Variants in MED12L observed in about 807,000 individuals in gnomAD.
MED12L encodes mediator of RNA polymerase II transcription subunit 12-like protein.
In MED12L, 60 loss-of-function variants were observed where a neutral mutation model predicts 281.3. The ratio of observed to expected loss-of-function variants is 0.21; its 90% confidence interval spans 0.17 to 0.26. The LOEUF is 0.26. MED12L is among the 10% of genes least tolerant of loss of function. The pLI, the probability that MED12L is intolerant of heterozygous loss-of-function variation, is 1.00. For synonymous variants in MED12L, 974 were observed against 987.2 expected, an observed-to-expected ratio of 0.99 and a Z score of 0.25; for missense variants, 2,146 against 2,680.9, an observed-to-expected ratio of 0.80 and a Z score of 4.41.
At chr3:151,401,836 A>G (rs1307499983) in intron 39 of MED12L, among the ~76,000 whole-genome samples, 6 of 152,196 alleles carry the variant, frequency 3.9e-5, no homozygotes, top group Admixed American at 3.9e-4. Flanking sequence ...AAGCATGTTC[A>G]GGGAGGTGGG....
At position 151,159,974 on chromosome 3, in the gene MED12L, C is replaced by T. The variant is rs1719769600; in HGVS notation, c.980C>T (p.Ser327Leu). ...SPHMMIGPNN[S>L]SIGAPSPGPP... is the part of the protein sequence containing the mutation. ...CACATGATGATAGGACCAAACAACT[C>T]GAGTATCGGGGCCCCCAGCCCTGGC... Residue 327 changes from serine to leucine, a missense_variant, in exon 8 of 45, where the codon TCG becomes TTG. Coordinates refer to ENST00000687756, the MANE Select transcript of MED12L (RefSeq NM_001393769.1). 2.5e-6 allele frequency: 4 copies of T among 1,614,190 alleles called. No individual in the cohort carries two copies. The highest frequency in any genetic ancestry group is 2.2e-5 in the East Asian group (1 of 44,880).
intron 2 of MED12L, among the ~76,000 whole-genome samples, chr3:151,088,677 C>T (rs1719599481): frequency 6.6e-6 from 1 of 152,080 alleles, no homozygotes; most frequent in African/African-American, 2.4e-5. Flanking sequence ...TTCAGGGTCT[C>T]ACAACATTTT....
At chr3:151,138,805 T>TA (rs1224669336) in intron 5 of MED12L, among the ~76,000 whole-genome samples, 2 of 152,212 alleles carry the variant, frequency 1.3e-5, no homozygotes, top group Non-Finnish European at 1.5e-5. Context: ...AGGTAGCACT[T>TA]ACCAGGTTTT....
intron 32 of MED12L, among the ~76,000 whole-genome samples, chr3:151,381,997 CT>C (rs1009907958): frequency 6.6e-6 from 1 of 151,448 alleles, no homozygotes; most frequent in Non-Finnish European, 1.5e-5. Context: ...TTGAATTGCA[CT>C]TTTTTTTTGC....
At chr3:151,108,831 C>G (rs145396095) in intron 2 of MED12L, among the ~76,000 whole-genome samples, 135 of 152,186 alleles carry the variant, frequency 8.9e-4, no homozygotes, top group African/African-American at 3.1e-3. Context: ...TTTGAGATGG[C>G]CATTGAAAAT....
intron 2 of MED12L, among the ~76,000 whole-genome samples, chr3:151,108,112 T>G (rs1722300335): frequency 6.6e-6 from 1 of 151,910 alleles, no homozygotes; most frequent in Non-Finnish European, 1.5e-5. Flanking sequence ...GATAGGAGAG[T>G]GCAGAATAGA....
At chr3:151,244,802 C>A (rs1376686463) in intron 16 of MED12L, among the ~76,000 whole-genome samples, 1 of 152,120 alleles carries the variant, frequency 6.6e-6, no homozygotes, top group African/African-American at 2.4e-5. Flanking sequence ...TCACAAAAAA[C>A]CCTTCAAAAA....
chr3:151,110,565 T>C (rs529043967), intron 2 of MED12L, among the ~76,000 whole-genome samples: 12 of 152,336 alleles, frequency 7.9e-5, no homozygotes, highest in Admixed American at 7.2e-4. Context: ...GTGCATTTTT[T>C]TGGTTGTGAT....
At chr3:151,294,498 G>A in intron 16 of MED12L, 4 of 1,614,204 alleles carry the variant, frequency 2.5e-6, no homozygotes, top group Non-Finnish European at 3.4e-6. Context: ...CTCTGGTTAT[G>A]TTTTCGCTTT....
In MED12L at chr3:151,356,079, A is replaced by G. The variant is rs189610036; in HGVS notation, c.2661+40A>G. On this transcript the variant is annotated intron_variant, in intron 19 of 44. Coordinates refer to ENST00000687756, the MANE Select transcript of MED12L (RefSeq NM_001393769.1). The stretch of plus-strand genomic sequence containing the variant: ...ATGTTTCTCTTACTTTTAGGAAAGC[A>G]AATCCACCAGGCATTGTGCAATTTA... The G allele has an allele frequency of 5.9e-5, 93 of 1,589,144 alleles. 1 individual carries two copies. The African/African-American group carries it at 1.1e-3, about 18-fold the overall frequency.
chr3:151,190,640 A>G (rs1723852543), intron 13 of MED12L, 77 bp from the exon 14 acceptor site: 1 of 1,281,432 alleles, frequency 7.8e-7, no homozygotes, highest in South Asian at 1.3e-5. Context: ...AAAAGTAATG[A>G]AAATATTAAG....
chr3:151,237,614 G>T (rs1733183120), intron 16 of MED12L, among the ~76,000 whole-genome samples: 1 of 152,034 alleles, frequency 6.6e-6, no homozygotes, highest in Admixed American at 6.6e-5. Context: ...GCCTCCCAAA[G>T]TGCTGGGATT....
chr3:151,417,886 A>C (rs114792027), intron 43 of MED12L, among the ~76,000 whole-genome samples: 2 of 152,312 alleles, frequency 1.3e-5, no homozygotes, highest in African/African-American at 4.8e-5. Flanking sequence ...AAACCTTCTT[A>C]AAGTAGAGGT....
intron 16 of MED12L, among the ~76,000 whole-genome samples, chr3:151,221,710 G>A (rs1169127199): frequency 1.3e-5 from 2 of 152,192 alleles, no homozygotes; most frequent in Non-Finnish European, 2.9e-5. Context: ...AATATGTGTG[G>A]AAATGCCTGG....
chr3:151,277,499 G>A (rs1031284155), intron 16 of MED12L, among the ~76,000 whole-genome samples: 1 of 151,918 alleles, frequency 6.6e-6, no homozygotes, highest in Non-Finnish European at 1.5e-5. Context: ...TTTTACTAGT[G>A]TGATCTTTGA....
At chr3:151,176,248 G>A (rs1047915670) in intron 11 of MED12L, among the ~76,000 whole-genome samples, 3 of 152,174 alleles carry the variant, frequency 2.0e-5, no homozygotes, top group South Asian at 4.2e-4. Flanking sequence ...AAAATGATAG[G>A]ATTGTCATTA....
intron 36 of MED12L, 49 bp from the exon 37 acceptor site, chr3:151,387,761 A>G: frequency 1.3e-6 from 2 of 1,547,786 alleles, no homozygotes; most frequent in South Asian, 2.5e-5. Flanking sequence ...TGGCCTATGA[A>G]TAAGGAAAAG....
rs1354529968 is a variant in MED12L at position 151,246,428 on chromosome 3, G to A, written c.2250+52762G>A. ...GTACTGGTACCAAAACAGAGATATAGATCAATGGAACAGAACAGAGCCCTC... is the reference window on the plus strand; with the variant it reads ...GTACTGGTACCAAAACAGAGATATAAATCAATGGAACAGAACAGAGCCCTC... On this transcript the variant is annotated intron_variant, in intron 16 of 44. Coordinates refer to ENST00000687756, the MANE Select transcript of MED12L (RefSeq NM_001393769.1). 3.9e-5 allele frequency among the ~76,000 whole-genome samples: 6 copies of A among 151,908 alleles called. No homozygotes were observed. The South Asian group carries it at 6.2e-4, about 16-fold the overall frequency.
chr3:151,213,068 T>C (rs1727446182), intron 16 of MED12L: 1 of 292,134 alleles, frequency 3.4e-6, no homozygotes, highest in South Asian at 1.2e-4. Context: ...TATGTATTAA[T>C]TTTTTATTAA....
Sources: gnomAD v4.1 joint callset for allele counts (sites outside exome capture counted in the v4.1 genomes callset) on GRCh38, gnomAD v4.1.1 for gene constraint, MANE v1.5 for transcripts, NCBI Gene and HGNC (gene_info 2026-07-23, HGNC 2026-07-21) for gene names.